Variants in KCNQ1 observed in about 807,000 individuals in gnomAD.
The protein encoded by KCNQ1 is potassium voltage-gated channel subfamily KQT member 1.
A neutral mutation model predicts 72.4 loss-of-function variants in KCNQ1; 49 were observed. That is an observed-to-expected ratio of 0.68 (90% CI 0.54 to 0.86). The LOEUF is 0.86. Ranked by LOEUF, KCNQ1 falls within the 40% of genes least tolerant of loss-of-function variation. The pLI is 0.00. For missense variants in KCNQ1, 790 were observed against 945.1 expected (o/e 0.84, Z 2.15); for synonymous variants, 450 against 412.6 (o/e 1.09, Z -1.10).
At chr11:2,756,432 T>C (rs1263422666) in intron 11 of KCNQ1, among the ~76,000 whole-genome samples, 4 of 118,738 alleles carry the variant, frequency 3.4e-5, no homozygotes, top group Admixed American at 9.2e-5. Flanking sequence ...AAGTTTAAAT[T>C]ACTAAAATTA....
At chr11:2,839,026 AGGTGGGC>A (rs1430809514) in intron 15 of KCNQ1, among the ~76,000 whole-genome samples, 3 of 151,690 alleles carry the variant, frequency 2.0e-5, no homozygotes, top group Non-Finnish European at 4.4e-5. Flanking sequence ...GCAGGTGGGC[AGGTGGGC>A]AGGTGGGCAG....
Position 2,475,117 on chromosome 11 carries a change from G to C in KCNQ1, c.386+29633G>C, listed in dbSNP as rs545394716. ...TAATTCCTGAACATTTCCATCATCCGCAAGAGGAAATTAGCAGTCACCCCT... is the reference window on the plus strand; with the variant it reads ...TAATTCCTGAACATTTCCATCATCCCCAAGAGGAAATTAGCAGTCACCCCT... On this transcript the variant is annotated intron_variant, in intron 1 of 15. Coordinates refer to ENST00000155840, the MANE Select transcript of KCNQ1 (RefSeq NM_000218.3). This position sits in a 1 kb window ranked among gnomAD's most constrained non-coding sequence, Gnocchi z 5.8. Among the ~76,000 whole-genome samples, 1 of 152,072 alleles carries C rather than the reference G, an allele frequency of 6.6e-6. No individual in the cohort carries two copies. The highest frequency in any genetic ancestry group is 1.5e-5 in the Non-Finnish European group (1 of 68,036).
At chr11:2,628,703 T>A (rs1206669309) in intron 10 of KCNQ1, 2 of 398,292 alleles carry the variant, frequency 5.0e-6, no homozygotes, top group African/African-American at 4.1e-5. Flanking sequence ...TCTAAAAAAT[T>A]GTCACAAAAA....
intron 6 of KCNQ1, among the ~76,000 whole-genome samples, chr11:2,578,803 G>A (rs1026358255): frequency 6.6e-6 from 1 of 152,268 alleles, no homozygotes; most frequent in Admixed American, 6.5e-5. Context: ...TGCAATGGCT[G>A]AAGCAGCCTC....
chr11:2,535,711 G>A (rs1022501451), intron 2 of KCNQ1, among the ~76,000 whole-genome samples: 24 of 152,202 alleles, frequency 1.6e-4, no homozygotes, highest in Middle Eastern at 3.2e-3. Context: ...GAGAGAGGGC[G>A]GTCAGGTGAC....
At chr11:2,726,476 G>A (rs1423254428) in intron 11 of KCNQ1, among the ~76,000 whole-genome samples, 1 of 152,106 alleles carries the variant, frequency 6.6e-6, no homozygotes, top group African/African-American at 2.4e-5. Flanking sequence ...GGAAACTGAG[G>A]CCCCAGGCGG....
intron 15 of KCNQ1, among the ~76,000 whole-genome samples, chr11:2,797,178 G>A (rs1044746575): frequency 6.6e-6 from 1 of 152,158 alleles, no homozygotes; most frequent in Non-Finnish European, 1.5e-5. Flanking sequence ...TGGCGGGGGG[G>A]AGGCCCTGTG....
rs953352978 is a variant in KCNQ1 at position 2,848,396 on chromosome 11, C to G, written c.*393C>G. ...GCCCAGGGGGCTTCCTGAGGGGAGA[C>G]AGAGCAACCCCTGGACCCCAGCCTC... On this transcript the variant is annotated 3_prime_UTR_variant, in exon 16 of 16. Transcript: ENST00000155840. 1.2e-5 allele frequency: 6 copies of G among 491,190 alleles called. No homozygotes were observed. The highest frequency in any genetic ancestry group is 9.7e-5 in the African/African-American group (5 of 51,706). 30.4% of individuals were successfully genotyped at this position (491,190 alleles called of 1,614,324 possible).
rs1028445969 is a variant in KCNQ1 at position 2,696,299 on chromosome 11, A to C, written c.1514+34218A>C. ...GTCTACTTTTCCTAGGGGCTCAGTTAGGAATCCATATTCCTATTCCTCCAT... is the reference window on the plus strand; with the variant it reads ...GTCTACTTTTCCTAGGGGCTCAGTTCGGAATCCATATTCCTATTCCTCCAT... On this transcript the variant is annotated intron_variant, in intron 11 of 15. Coordinates refer to ENST00000155840, the MANE Select transcript of KCNQ1 (RefSeq NM_000218.3). 7.5e-6 allele frequency: 3 copies of C among 398,526 alleles called. No individual in the cohort carries two copies. In the East Asian group the frequency reaches 1.1e-4, roughly 14 times the overall value. 24.7% of individuals were successfully genotyped at this position (398,526 alleles called of 1,614,324 possible).
At chr11:2,597,346 C>G (rs983290121) in intron 10 of KCNQ1, among the ~76,000 whole-genome samples, 6 of 152,206 alleles carry the variant, frequency 3.9e-5, no homozygotes, top group African/African-American at 1.4e-4. Flanking sequence ...CTACACATAT[C>G]TTACACATTT....
At chr11:2,706,459 A>G (rs1438802978) in intron 11 of KCNQ1, among the ~76,000 whole-genome samples, 1 of 152,260 alleles carries the variant, frequency 6.6e-6, no homozygotes, top group East Asian at 1.9e-4. Context: ...CCTTGACTGC[A>G]GCCTCACAGG....
intron 15 of KCNQ1, among the ~76,000 whole-genome samples, chr11:2,792,144 G>A (rs570381433): frequency 1.3e-5 from 2 of 152,302 alleles, no homozygotes; most frequent in South Asian, 4.1e-4. Context: ...TGCAGGCCCG[G>A]CGTCCCCTCC....
chr11:2,718,051 A>G (rs2133925719), intron 11 of KCNQ1, among the ~76,000 whole-genome samples: 1 of 151,816 alleles, frequency 6.6e-6, no homozygotes, highest in South Asian at 2.1e-4. Flanking sequence ...GTCTCAGGGC[A>G]TGTTCAATGT....
rs76689768 is a variant in KCNQ1, at chr11:2,535,483, C to T, written c.477+7465C>T. On this transcript the variant is annotated intron_variant, in intron 2 of 15. Coordinates refer to ENST00000155840, the MANE Select transcript of KCNQ1 (RefSeq NM_000218.3). ...AGGAGAAGTGACTTGGCCGGCTCTC[C>T]GGAGCCCAGTGTTGATCACTGAGGA... Among the ~76,000 whole-genome samples, 1,233 of 152,308 alleles carry T rather than the reference C, an allele frequency of 8.1e-3. 18 individuals are homozygous for T. The highest frequency in any genetic ancestry group is 0.029 in the African/African-American group (1,188 of 41,566).
chr11:2,496,786 C>T (rs1846929093), intron 1 of KCNQ1, among the ~76,000 whole-genome samples: 1 of 151,608 alleles, frequency 6.6e-6, no homozygotes, highest in South Asian at 2.1e-4. Flanking sequence ...TGTCATTGGT[C>T]TTTATATTTT....
intron 1 of KCNQ1, among the ~76,000 whole-genome samples, chr11:2,470,110 G>A (rs192844270): frequency 3.3e-5 from 5 of 152,340 alleles, no homozygotes; most frequent in African/African-American, 1.2e-4. Context: ...ACAGGCGCAT[G>A]TCACCACGCC....
chr11:2,492,294 T>G lies in KCNQ1; in HGVS notation c.387-35634T>G, dbSNP rs1286152317. Among the ~76,000 whole-genome samples the G allele has an allele frequency of 1.3e-5, 2 of 152,148 alleles. No individual in the cohort carries two copies. ...TTTTGCGGTACAATAGGCAGTACAA[T>G]AAGATATAGAGACAAAAAAACTTAA... On this transcript the variant is annotated intron_variant, in intron 1 of 15. Transcript: ENST00000155840. This position sits in a 1 kb window ranked among gnomAD's most constrained non-coding sequence, Gnocchi z 4.1.
chr11:2,645,085 G>A lies in KCNQ1; in HGVS notation c.1394-16876G>A. The A allele has an allele frequency of 2.5e-6, 1 of 398,644 alleles. No homozygotes were observed. The highest frequency in any genetic ancestry group is 3.6e-5 in the East Asian group (1 of 28,078). The allele number at this position is 398,644 out of a possible 1,614,324, so 24.7% of individuals were successfully genotyped here. ...CAGAGCTGGGCCACAGGGTGGGTAG[G>A]TCCTTGAGCTCTGAGCAGCAGATAT... On this transcript the variant is annotated intron_variant, in intron 10 of 15. Transcript: ENST00000155840. The surrounding 1 kb of genome is among the most constrained non-coding windows in gnomAD (Gnocchi z 5.8).
At chr11:2,506,529 C>G (rs1478981937) in intron 1 of KCNQ1, among the ~76,000 whole-genome samples, 2 of 152,148 alleles carry the variant, frequency 1.3e-5, no homozygotes, top group Non-Finnish European at 2.9e-5. Context: ...ATACATATGT[C>G]TATTGTATTC....
Sources: gnomAD v4.1 joint callset for allele counts (sites outside exome capture counted in the v4.1 genomes callset) on GRCh38, gnomAD v4.1.1 for gene constraint, Gnocchi (gnomAD v3.1) non-coding constraint, MANE v1.5 for transcripts, NCBI Gene and HGNC (gene_info 2026-07-23, HGNC 2026-07-21) for gene names.